Variants in SEL1L2 observed in about 807,000 individuals in gnomAD.
SEL1L2 encodes protein sel-1 homolog 2.
Under a neutral mutation model 98.8 loss-of-function variants are expected in SEL1L2, and 89 were observed. The observed-to-expected ratio is 0.90, with a 90% CI of 0.76 to 1.07. The LOEUF is 1.07. Ranked by LOEUF, SEL1L2 falls within the 50% of genes least tolerant of loss-of-function variation. The pLI is 0.00. For synonymous variants in SEL1L2, 262 were observed against 278.5 expected (o/e 0.94, Z 0.59); for missense variants, 788 against 812.0 (o/e 0.97, Z 0.36).
intron 1 of SEL1L2, among the ~76,000 whole-genome samples, chr20:13,966,862 T>C (rs1269880633): frequency 6.7e-6 from 1 of 150,078 alleles, no homozygotes; most frequent in African/African-American, 2.4e-5. Flanking sequence ...TCTCTTTCTC[T>C]GTTACCAGAG....
chr20:13,902,065 A>C (rs2047708456), intron 5 of SEL1L2, among the ~76,000 whole-genome samples: 1 of 152,166 alleles, frequency 6.6e-6, no homozygotes, highest in Non-Finnish European at 1.5e-5. Flanking sequence ...TGCCACGGAA[A>C]AGGGCAGTAA....
At chr20:13,929,682 A>T (rs767708729) in intron 3 of SEL1L2, among the ~76,000 whole-genome samples, 1 of 151,078 alleles carries the variant, frequency 6.6e-6, no homozygotes. Flanking sequence ...TTGTATTTTT[A>T]GCAGAGACGG....
intron 12 of SEL1L2, among the ~76,000 whole-genome samples, chr20:13,871,903 CA>C (rs1433815353): frequency 6.6e-6 from 1 of 152,136 alleles, no homozygotes; most frequent in Non-Finnish European, 1.5e-5. Context: ...AAAAGCTCTC[CA>C]AATTTCTTCT....
At chr20:13,906,957 G>A (rs1053858105) in intron 5 of SEL1L2, among the ~76,000 whole-genome samples, 22 of 152,146 alleles carry the variant, frequency 1.4e-4, no homozygotes, top group Admixed American at 1.4e-3. Flanking sequence ...GGGATTACAG[G>A]CATGAGCCAC....
chr20:13,925,483 C>T (rs532414216), intron 3 of SEL1L2, among the ~76,000 whole-genome samples: 20 of 152,356 alleles, frequency 1.3e-4, no homozygotes, highest in African/African-American at 4.3e-4. Context: ...TGATATTTGC[C>T]TACGATGGCG....
At chr20:13,869,991 A>AT (rs1889697358) in intron 13 of SEL1L2, 150 bp downstream of exon 13, 1 of 587,122 alleles carries the variant, frequency 1.7e-6, no homozygotes, top group Admixed American at 3.3e-5. Context: ...TTTGGCAGAG[A>AT]TTTCACTGGA....
At chr20:13,973,872 G>A (rs984827730) in intron 1 of SEL1L2, among the ~76,000 whole-genome samples, 7 of 152,120 alleles carry the variant, frequency 4.6e-5, no homozygotes, top group African/African-American at 1.7e-4. Flanking sequence ...AGCTGTGAGG[G>A]CTGGCACATG....
At chr20:13,908,103 CTTTTTTTTTTT>C (rs71188195) in intron 5 of SEL1L2, among the ~76,000 whole-genome samples, 2 of 26,746 alleles carry the variant, frequency 7.5e-5, no homozygotes, top group Non-Finnish European at 1.2e-4. Flanking sequence ...TTTCTTGGTT[CTTTTTTTTTTT>C]TTTTTTTTTT....
chr20:13,917,849 G>C (rs1056995202), intron 4 of SEL1L2, among the ~76,000 whole-genome samples: 1 of 123,400 alleles, frequency 8.1e-6, no homozygotes, highest in Non-Finnish European at 1.6e-5. Flanking sequence ...CCAGAGGCTA[G>C]AGTGTTATTG....
At chr20:13,957,460 GGC>G (rs2050594614) in intron 1 of SEL1L2, among the ~76,000 whole-genome samples, 12 of 152,140 alleles carry the variant, frequency 7.9e-5, no homozygotes, top group Admixed American at 7.9e-4. Flanking sequence ...TTTAGTACTT[GGC>G]AGCAGCCTCA....
intron 14 of SEL1L2, among the ~76,000 whole-genome samples, chr20:13,867,891 TG>T (rs1247146395): frequency 2.6e-5 from 4 of 152,078 alleles, no homozygotes; most frequent in Non-Finnish European, 5.9e-5. Context: ...GTGCTCCTGC[TG>T]GGCCACCGTG....
chr20:13,886,543 G>T, intron 8 of SEL1L2, 101 bp from the exon 9 acceptor site: 1 of 1,009,456 alleles, frequency 9.9e-7, no homozygotes, highest in Non-Finnish European at 1.4e-6. Context: ...CTTAAATTGT[G>T]CAGAAATCTG....
At chr20:13,903,117 C>CA (rs11473702) in intron 5 of SEL1L2, among the ~76,000 whole-genome samples, 73,483 of 123,080 alleles carry the variant, frequency 0.6, 22,152 homozygotes, top group African/African-American at 0.66. Context: ...GGCTCTTTCT[C>CA]AAAAAAAAAA....
rs781265936 is a variant in SEL1L2, at chr20:13,885,345, A to G, written c.957+2T>C. ...TTTGACTGGATCTTGAGATTGACTT[A>G]CGTAGTAATCCTGATCTAGACCTTT... is the stretch of plus-strand genomic sequence containing the variant. On this transcript the variant is annotated splice_donor_variant, in intron 10 of 19. Coordinates refer to ENST00000284951, the MANE Select transcript of SEL1L2 (RefSeq NM_025229.2). LOFTEE classifies it high-confidence loss of function. 1.3e-6 allele frequency: 2 copies of G among 1,584,156 alleles called. No individual in the cohort carries two copies. Among genetic ancestry groups the G allele is most frequent in the Non-Finnish European group, 1.7e-6 (2 of 1,152,884 alleles).
intron 10 of SEL1L2, among the ~76,000 whole-genome samples, chr20:13,884,310 TA>T (rs34281720): frequency 0.08 from 11,867 of 148,442 alleles, 496 homozygotes; most frequent in African/African-American, 0.1. Context: ...AAATCATCTT[TA>T]AAAAAAAAAA....
upstream of SEL1L2, among the ~76,000 whole-genome samples, chr20:13,992,736 C>T (rs1175959538): frequency 6.6e-6 from 1 of 152,122 alleles, no homozygotes; most frequent in Non-Finnish European, 1.5e-5. Flanking sequence ...TTAATTTTCT[C>T]AGTTCTGATG....
At chr20:13,939,229 G>C (rs1450694374) in intron 2 of SEL1L2, among the ~76,000 whole-genome samples, 1 of 151,660 alleles carries the variant, frequency 6.6e-6, no homozygotes, top group Non-Finnish European at 1.5e-5. Flanking sequence ...ATCTTTAGTA[G>C]AGATGGGGTT....
chr20:13,987,127 G>A (rs1485323823), intron 1 of SEL1L2, among the ~76,000 whole-genome samples: 1 of 151,918 alleles, frequency 6.6e-6, no homozygotes, highest in Admixed American at 6.6e-5. Context: ...CACCGCGCCC[G>A]GCCTCTCCAT....
chr20:13,973,825 T>C (rs777918074), intron 1 of SEL1L2, among the ~76,000 whole-genome samples: 12 of 152,132 alleles, frequency 7.9e-5, no homozygotes, highest in Non-Finnish European at 1.8e-4. Context: ...AGTTCTAGGG[T>C]TGGGGTGCCT....
Sources: allele counts gnomAD v4.1 joint callset (sites outside exome capture counted in the v4.1 genomes callset), GRCh38; gene constraint gnomAD v4.1.1; transcripts MANE v1.5; gene names NCBI Gene and HGNC (gene_info 2026-07-23, HGNC 2026-07-21).